Variants in PPP1R12B observed in about 807,000 individuals in gnomAD.
The protein encoded by PPP1R12B is myosin phosphatase target subunit 2.
In PPP1R12B, 76 loss-of-function variants were observed where a neutral mutation model predicts 126.1. The observed-to-expected ratio is 0.60, with a 90% confidence interval of 0.50 to 0.73. PPP1R12B has a LOEUF of 0.73. Ranked by LOEUF, PPP1R12B falls within the 30% of genes least tolerant of loss-of-function variation. The probability of loss-of-function intolerance (pLI) is 0.00; values close to 1 mark genes in which losing one functional copy is unlikely to be tolerated. For synonymous variants in PPP1R12B, 356 were observed against 434.7 expected (o/e 0.82, Z 2.25); for missense variants, 1,052 against 1,205.1 (o/e 0.87, Z 1.88).
In PPP1R12B at chr1:202,589,583, T is replaced by G. The variant is rs1690028508; in HGVS notation, c.*9023T>G. The stretch of plus-strand genomic sequence containing the variant: ...CTGACCCCCACTGGTTGTAGTAAGG[T>G]CTGCAGATACAGTATCACCTAGCCG... On this transcript the variant is annotated 3_prime_UTR_variant, in exon 24 of 24. Coordinates refer to ENST00000608999, the MANE Select transcript of PPP1R12B (RefSeq NM_002481.4). 1 of 152,192 alleles carries G rather than the reference T, an allele frequency of 6.6e-6. No homozygotes were observed. The highest frequency in any genetic ancestry group is 2.4e-5 in the African/African-American group (1 of 41,402). The allele number at this position is 152,192 out of a possible 1,614,324, so 9.4% of individuals were successfully genotyped here. A position where few individuals can be genotyped will look rare whatever the true frequency, so the allele number is the denominator to read the frequency against.
intron 1 of PPP1R12B, chr1:202,369,935 A>G (rs1009510015): frequency 6.4e-6 from 1 of 156,044 alleles, no homozygotes; most frequent in Admixed American, 6.5e-5. Flanking sequence ...AGCTGGGGCT[A>G]CAGGCATGCA....
intron 1 of PPP1R12B, among the ~76,000 whole-genome samples, chr1:202,394,232 C>T (rs369734343): frequency 1.3e-5 from 2 of 151,380 alleles, no homozygotes; most frequent in African/African-American, 4.9e-5. Flanking sequence ...CTGCTGAGAT[C>T]GCGCCAGCCA....
intron 10 of PPP1R12B, chr1:202,439,502 G>A: frequency 6.5e-7 from 1 of 1,529,080 alleles, no homozygotes; most frequent in East Asian, 2.3e-5. Context: ...GGAAGTGGCT[G>A]TTTGGGGCGA....
At position 202,589,629 on chromosome 1, in the gene PPP1R12B, G is replaced by A. The variant is rs1443381529; in HGVS notation, c.*9069G>A. 1.3e-5 allele frequency: 2 copies of A among 152,230 alleles called. No homozygotes were observed. The highest frequency in any genetic ancestry group is 4.1e-4 in the South Asian group (2 of 4,828). The allele number at this position is 152,230 out of a possible 1,614,324, so 9.4% of individuals were successfully genotyped here. On this transcript the variant is annotated 3_prime_UTR_variant, in exon 24 of 24. Coordinates refer to ENST00000608999, the MANE Select transcript of PPP1R12B (RefSeq NM_002481.4). The stretch of plus-strand genomic sequence containing the variant: ...AGCCGTCACGTGGTCCAGCCCTCTT[G>A]GGGGGAAAGGAGAAGGCCACAACCT...
chr1:202,359,827 A>G (rs1331305854), intron 1 of PPP1R12B, among the ~76,000 whole-genome samples: 1 of 152,006 alleles, frequency 6.6e-6, no homozygotes, highest in African/African-American at 2.4e-5. Context: ...AACAAAAACA[A>G]ATTTCATTGG....
At chr1:202,488,749 G>A (rs1455754574) in intron 14 of PPP1R12B, 126 bp downstream of exon 14, 18 of 843,246 alleles carry the variant, frequency 2.1e-5, no homozygotes, top group Middle Eastern at 3.5e-4. Context: ...ACACGCTCAC[G>A]GCTTGGCGTG....
intron 18 of PPP1R12B, among the ~76,000 whole-genome samples, chr1:202,557,443 A>G (rs61820883): frequency 6.2e-4 from 94 of 152,356 alleles, no homozygotes; most frequent in Non-Finnish European, 8.7e-4. Context: ...TAAATGTGGG[A>G]CAGGAAAAAT....
At chr1:202,442,333 TG>T (rs1671736497) in intron 11 of PPP1R12B, 113 bp from the exon 12 acceptor site, 1 of 1,163,082 alleles carries the variant, frequency 8.6e-7, no homozygotes, top group African/African-American at 1.5e-5. Flanking sequence ...CTGAAGAATG[TG>T]TCTATTAGCC....
chr1:202,572,945 G>A (rs1688746737), intron 23 of PPP1R12B, among the ~76,000 whole-genome samples: 1 of 152,098 alleles, frequency 6.6e-6, no homozygotes, highest in Middle Eastern at 3.2e-3. Context: ...TCTCCCTCAT[G>A]CTGATAACTT....
intron 9 of PPP1R12B, among the ~76,000 whole-genome samples, 153 bp downstream of exon 9, chr1:202,434,921 G>A (rs974466558): frequency 6.6e-6 from 1 of 152,148 alleles, no homozygotes; most frequent in Admixed American, 6.5e-5. Flanking sequence ...AGGCTGGGTG[G>A]CTTAAACAAC....
chr1:202,567,380 C>CTTT, intron 21 of PPP1R12B: 4 of 147,918 alleles, frequency 2.7e-5, no homozygotes, highest in East Asian at 2.0e-4. Context: ...AAAGAAAAGC[C>CTTT]TTTTTTTTTT....
intron 1 of PPP1R12B, among the ~76,000 whole-genome samples, chr1:202,377,083 CT>C (rs930841888): frequency 1.6e-4 from 25 of 152,270 alleles, no homozygotes; most frequent in Non-Finnish European, 3.5e-4. Context: ...TTGGATACCC[CT>C]GTTAACACCA....
chr1:202,396,614 A>G (rs1278695270), intron 1 of PPP1R12B, among the ~76,000 whole-genome samples: 1 of 152,118 alleles, frequency 6.6e-6, no homozygotes, highest in African/African-American at 2.4e-5. Context: ...CTTATTTGTT[A>G]TTACTTTTTT....
chr1:202,417,032 A>G (rs1668167460), intron 2 of PPP1R12B, 115 bp downstream of exon 2: 8 of 1,231,838 alleles, frequency 6.5e-6, no homozygotes, highest in African/African-American at 1.6e-5. Flanking sequence ...TTTATTACAG[A>G]TTACAAAAGC....
intron 18 of PPP1R12B, among the ~76,000 whole-genome samples, chr1:202,544,685 A>T (rs1422747700): frequency 6.6e-6 from 1 of 152,200 alleles, no homozygotes; most frequent in African/African-American, 2.4e-5. Context: ...CTGGATTGCT[A>T]TTCCTTCAGT....
At chr1:202,576,664 T>A (rs1415441462) in intron 23 of PPP1R12B, 1 of 152,210 alleles carries the variant, frequency 6.6e-6, no homozygotes, top group African/African-American at 2.4e-5. Context: ...CCAGTTATTT[T>A]TAGTATCCCT....
At chr1:202,388,417 G>C (rs1663527052) in intron 1 of PPP1R12B, among the ~76,000 whole-genome samples, 1 of 152,146 alleles carries the variant, frequency 6.6e-6, no homozygotes, top group Admixed American at 6.5e-5. Flanking sequence ...TGTTGGCCAG[G>C]CTGGTCTTGA....
intron 2 of PPP1R12B, chr1:202,417,240 C>T: frequency 3.0e-6 from 3 of 985,286 alleles, no homozygotes; most frequent in Non-Finnish European, 3.6e-6. Flanking sequence ...TACAGGCAGG[C>T]CTGGAGATGT....
chr1:202,526,804 A>G (rs1450424493), intron 18 of PPP1R12B, among the ~76,000 whole-genome samples: 1 of 152,192 alleles, frequency 6.6e-6, no homozygotes, highest in African/African-American at 2.4e-5. Context: ...GAAGAAGAAA[A>G]GAATACTTCT....
Sources: allele counts gnomAD v4.1 joint callset (sites outside exome capture counted in the v4.1 genomes callset), GRCh38; gene constraint gnomAD v4.1.1; transcripts MANE v1.5; gene names NCBI Gene and HGNC (gene_info 2026-07-23, HGNC 2026-07-21).